The following MRPL32 variants were observed in gnomAD, a reference collection of about 807,000 sequenced individuals.
The protein encoded by MRPL32 is mitochondrial ribosomal protein L32, also known as large ribosomal subunit protein bL32m.
Under a neutral mutation model 21.7 loss-of-function variants are expected in MRPL32, and 14 were observed. That is an observed-to-expected ratio of 0.64 (90% confidence interval 0.43 to 1.01). The LOEUF is 1.01. Among genes scored for constraint, MRPL32 ranks in the 50% least tolerant of loss-of-function variants. The pLI is 0.00. For missense variants in MRPL32, 211 were observed against 235.9 expected (o/e 0.89, Z 0.69); for synonymous variants, 83 against 87.7 (o/e 0.95, Z 0.30).
At position 42,932,639 on chromosome 7, in the gene MRPL32, G is replaced by A. The variant is rs547899503; in HGVS notation, c.130+123G>A. The A allele has an allele frequency of 1.1e-5, 12 of 1,083,734 alleles. No individual in the cohort carries two copies. In the East Asian group the frequency reaches 2.8e-4, roughly 25 times the overall value. The allele number at this position is 1,083,734 out of a possible 1,614,324, so 67.1% of individuals were successfully genotyped here. On this transcript the variant is annotated intron_variant, in intron 1 of 2. Coordinates refer to ENST00000223324, the MANE Select transcript of MRPL32 (RefSeq NM_031903.3). ...TGATCCGCGGCCTCATGTCGGGGAC[G>A]TAGTTCGTGACATTCCCATATTAGC...
intron 2 of MRPL32, chr7:42,935,988 G>A (rs557169140): frequency 1.3e-5 from 2 of 152,252 alleles, no homozygotes; most frequent in South Asian, 2.1e-4. Flanking sequence ...ACTTCATGGC[G>A]TTCCACAACA....
rs1025845300 is a variant in MRPL32 at position 42,932,414 on chromosome 7, G to T, written c.28G>T (p.Val10Phe). 2 of 1,611,618 alleles carry T rather than the reference G, an allele frequency of 1.2e-6. No homozygotes were observed. The highest frequency in any genetic ancestry group is 1.7e-5 in the Admixed American group (1 of 59,936). The part of the protein sequence containing the change: MALAMLVLV[V>F]SPWSAARGVL... The stretch of plus-strand genomic sequence containing the variant: ...GGCGCTGGCCATGCTGGTCTTGGTG[G>T]TTTCGCCGTGGTCTGCGGCCCGGGG... The change falls in exon 1 of 3, where the codon GTT becomes TTT. Residue 10 changes from valine to phenylalanine, a missense_variant. By Grantham distance (50) the Val-to-Phe change is conservative. Transcript: ENST00000223324.
chr7:42,935,878 A>T (rs1433042977), intron 2 of MRPL32: 4 of 152,124 alleles, frequency 2.6e-5, no homozygotes, highest in African/African-American at 9.7e-5. Context: ...GACAACATGG[A>T]TGTACTGTCT....
Position 42,937,466 on chromosome 7 carries a change from A to G in MRPL32, c.457A>G (p.Thr153Ala), listed in dbSNP as rs1340022934. ...KQEGGPFKAPTIETVVLYTGE... is the reference protein window; with the variant it reads ...KQEGGPFKAPAIETVVLYTGE... ...AGAAGGGGGCCCTTTTAAGGCTCCC[A>G]CCATAGAGACTGTGGTGCTGTACAC... The change falls in exon 3 of 3, where the codon ACC (threonine) becomes GCC (alanine). Residue 153 changes from threonine to alanine, a missense_variant. This residue lies in a region of MRPL32 where 130 missense variants were observed against 180.1 expected (regional missense o/e 0.72). Coordinates refer to ENST00000223324, the MANE Select transcript of MRPL32 (RefSeq NM_031903.3). 6.2e-7 allele frequency: 1 copy of G among 1,614,136 alleles called. No homozygotes were observed. The highest frequency in any genetic ancestry group is 2.2e-5 in the East Asian group (1 of 44,866).
intron 2 of MRPL32, chr7:42,936,532 T>G (rs557273662): frequency 6.6e-6 from 1 of 152,214 alleles, no homozygotes; most frequent in East Asian, 1.9e-4. Context: ...ATTAATCTTA[T>G]CAAGTGTTTA....
At position 42,932,720 on chromosome 7, in the gene MRPL32, AT is replaced by A. The variant is rs57524115; in HGVS notation, c.130+206del. On this transcript the variant is annotated intron_variant, in intron 1 of 2. Transcript: ENST00000223324. ...CCACCGCAAAAAAAAAAAAAAAAAA[AT>A]TCCTCTGCTTGTTCCATTCGTACAC... Among the ~76,000 whole-genome samples, 291 of 131,626 alleles carry A rather than the reference AT, an allele frequency of 2.2e-3. 1 individual carries two copies. The highest frequency in any genetic ancestry group is 7.6e-3 in the African/African-American group (275 of 36,340). 86.4% of individuals were successfully genotyped at this position (131,626 alleles called of 152,430 possible).
chr7:42,937,795 A>G lies in MRPL32; in HGVS notation c.*219A>G, dbSNP rs913952579. The G allele has an allele frequency of 1.8e-5, 7 of 396,514 alleles. No homozygotes were observed. The highest frequency in any genetic ancestry group is 1.3e-4 in the Admixed American group (3 of 23,870). The allele number at this position is 396,514 out of a possible 1,614,324, so 24.6% of individuals were successfully genotyped here. On this transcript the variant is annotated 3_prime_UTR_variant, in exon 3 of 3. Coordinates refer to ENST00000223324, the MANE Select transcript of MRPL32 (RefSeq NM_031903.3). ...ATGGATTATGTTTCTATTATATACA[A>G]GGTTTTAAGTAAACATAAAATTTCC...
rs3213826 is a variant in MRPL32, at chr7:42,935,015, G to T, written c.191G>T (p.Gly64Val). ...MFTEPANDTS[G>V]SKENSSLLDS... ...ACAGAGCCAGCAAATGATACCAGTGGAAGTAAAGAGAATTCCAGCCTTTTG... is the reference window on the plus strand; with the variant it reads ...ACAGAGCCAGCAAATGATACCAGTGTAAGTAAAGAGAATTCCAGCCTTTTG... Residue 64 changes from glycine to valine, a missense_variant, in exon 2 of 3, where the codon GGA (glycine) becomes GTA (valine). By Grantham distance (109) the Gly-to-Val change is moderately radical. Coordinates refer to ENST00000223324, the MANE Select transcript of MRPL32 (RefSeq NM_031903.3). 5.5e-5 allele frequency: 88 copies of T among 1,614,030 alleles called. No individual in the cohort carries two copies. The East Asian group carries it at 1.9e-3, about 36-fold the overall frequency.
In MRPL32 at chr7:42,932,392, G is replaced by T. The variant is rs1352136367; in HGVS notation, c.6G>T (p.Ala2=). ...GCGGTCTTCCAGCAGGGAAAATGGC[G>T]CTGGCCATGCTGGTCTTGGTGGTTT... M[A]LAMLVLVVSP... is the part of the protein sequence containing the mutation. The change falls in exon 1 of 3, where the codon GCG becomes GCT. Residue 2 remains alanine, a synonymous_variant. Transcript: ENST00000223324. 1.9e-6 allele frequency: 3 copies of T among 1,608,090 alleles called. No individual in the cohort carries two copies. Among genetic ancestry groups the T allele is most frequent in the African/African-American group, 2.7e-5 (2 of 74,768 alleles).
intron 1 of MRPL32, among the ~76,000 whole-genome samples, chr7:42,933,442 C>T (rs565776043): frequency 5.3e-5 from 8 of 151,728 alleles, no homozygotes; most frequent in African/African-American, 1.9e-4. Flanking sequence ...CCAGCCCTGC[C>T]CTCACCTCCC....
At chr7:42,932,564 C>G (rs750022230) in intron 1 of MRPL32, 48 bp downstream of exon 1, 1 of 1,539,776 alleles carries the variant, frequency 6.5e-7, no homozygotes, top group Non-Finnish European at 8.8e-7. Context: ...GACGGGACCT[C>G]GGGCAGCGTA....
chr7:42,934,868 C>G, intron 1 of MRPL32, 87 bp from the exon 2 acceptor site: 1 of 1,021,992 alleles, frequency 9.8e-7, no homozygotes, highest in Non-Finnish European at 1.4e-6. Flanking sequence ...GTATGTTTGA[C>G]CATTGATTGT....
chr7:42,932,395 G>A lies in MRPL32; in HGVS notation c.9G>A (p.Leu3=), dbSNP rs1169015599. The part of the protein sequence containing the change: MA[L]AMLVLVVSPW... Reference sequence around the variant, plus strand: ...GTCTTCCAGCAGGGAAAATGGCGCTGGCCATGCTGGTCTTGGTGGTTTCGC... The same window carrying A: ...GTCTTCCAGCAGGGAAAATGGCGCTAGCCATGCTGGTCTTGGTGGTTTCGC... The change falls in exon 1 of 3, where the codon CTG becomes CTA. Residue 3 remains leucine (L), a synonymous_variant. Coordinates refer to ENST00000223324, the MANE Select transcript of MRPL32 (RefSeq NM_031903.3). 6.2e-7 allele frequency: 1 copy of A among 1,609,278 alleles called. No individual in the cohort carries two copies. The highest frequency in any genetic ancestry group is 8.5e-7 in the Non-Finnish European group (1 of 1,177,020).
In MRPL32 at chr7:42,932,384, A is replaced by G; in HGVS notation, c.-3A>G. ...GGACCGGGGCGGTCTTCCAGCAGGG[A>G]AAATGGCGCTGGCCATGCTGGTCTT... On this transcript the variant is annotated 5_prime_UTR_variant, in exon 1 of 3. Coordinates refer to ENST00000223324, the MANE Select transcript of MRPL32 (RefSeq NM_031903.3). 1.2e-6 allele frequency: 2 copies of G among 1,606,284 alleles called. No homozygotes were observed. The highest frequency in any genetic ancestry group is 8.5e-7 in the Non-Finnish European group (1 of 1,175,096).
Position 42,935,115 on chromosome 7 carries a change from G to C in MRPL32, c.291G>C (p.Pro97=). 6.2e-7 allele frequency: 1 copy of C among 1,609,922 alleles called. No homozygotes were observed. The highest frequency in any genetic ancestry group is 8.5e-7 in the Non-Finnish European group (1 of 1,178,970). Residue 97 remains proline (P), a synonymous_variant, in exon 2 of 3, where the codon CCG becomes CCC. Coordinates refer to ENST00000223324, the MANE Select transcript of MRPL32 (RefSeq NM_031903.3). ...TTAACCGGTGTAGGAGAAGAAATCC[G>C]CAGAAGCTTATTAAAGTTAAGGTAA... ...IEVNRCRRRN[P]QKLIKVKNNI...
rs527458250 is a variant in MRPL32 at position 42,932,683 on chromosome 7, T to C, written c.130+167T>C. On this transcript the variant is annotated intron_variant, in intron 1 of 2. Coordinates refer to ENST00000223324, the MANE Select transcript of MRPL32 (RefSeq NM_031903.3). The stretch of plus-strand genomic sequence containing the variant: ...TATTAGCGAGAACAGAACGACTGTT[T>C]TTGCGCTCCCTCCACCGCAAAAAAA... Among the ~76,000 whole-genome samples, 4 of 129,518 alleles carry C rather than the reference T, an allele frequency of 3.1e-5. No individual in the cohort carries two copies. In the South Asian group the frequency reaches 1.1e-3, roughly 37 times the overall value. The allele number at this position is 129,518 out of a possible 152,430, so 85.0% of individuals were successfully genotyped here. A position where few individuals can be genotyped will look rare whatever the true frequency, so the allele number is the denominator to read the frequency against.
chr7:42,934,267 CAAAA>C (rs3028763), intron 1 of MRPL32, among the ~76,000 whole-genome samples: 15 of 124,826 alleles, frequency 1.2e-4, no homozygotes, highest in Admixed American at 1.6e-4. Flanking sequence ...GACTCAGTCT[CAAAA>C]AAAAAAAAAA....
rs760671056 is a variant in MRPL32 at position 42,937,521 on chromosome 7, G to C, written c.512G>C (p.Gly171Ala). ...GAGACACCGTCTGAACAAGATCAGG[G>C]CAAGAGGATCATTGAACGAGACAGA... ...TGETPSEQDQGKRIIERDRKR... is the reference protein window; with the variant it reads ...TGETPSEQDQAKRIIERDRKR... Residue 171 changes from glycine (G) to alanine (A), a missense_variant, in exon 3 of 3, where the codon GGC becomes GCC. Coordinates refer to ENST00000223324, the MANE Select transcript of MRPL32 (RefSeq NM_031903.3). The C allele has an allele frequency of 2.5e-6, 4 of 1,613,864 alleles. No homozygotes were observed. In the African/African-American group the frequency reaches 4.0e-5, roughly 16 times the overall value.
intron 2 of MRPL32, chr7:42,937,086 T>C: frequency 2.2e-6 from 2 of 921,804 alleles, no homozygotes; most frequent in Non-Finnish European, 3.3e-6. Context: ...TGTGTTTAAG[T>C]AAAGATACCA....
Sources: gnomAD v4.1 joint callset for allele counts (sites outside exome capture counted in the v4.1 genomes callset) on GRCh38, gnomAD v4.1.1 for gene constraint, gnomAD v4.1.1 regional missense constraint, MANE v1.5 for transcripts, NCBI Gene and HGNC (gene_info 2026-07-23, HGNC 2026-07-21) for gene names.